The following RAB3GAP1 variants were observed in gnomAD, a reference collection of about 807,000 sequenced individuals.
RAB3GAP1 encodes the protein rab3 GTPase-activating protein catalytic subunit.
In RAB3GAP1, 86 loss-of-function variants were observed where a neutral mutation model predicts 130.7. The ratio of observed to expected loss-of-function variants is 0.66; its 90% confidence interval spans 0.55 to 0.79. The LOEUF (loss-of-function observed/expected upper bound fraction) is 0.79, where lower values mean the gene tolerates loss of function less well. Among genes scored for constraint, RAB3GAP1 ranks in the 30% least tolerant of loss-of-function variants. The pLI, the probability that RAB3GAP1 is intolerant of heterozygous loss-of-function variation, is 0.00. For synonymous variants in RAB3GAP1, 367 were observed against 401.7 expected (o/e 0.91, Z 1.03); for missense variants, 1,029 against 1,169.4 (o/e 0.88, Z 1.75).
chr2:135,158,920 C>T lies in RAB3GAP1; in HGVS notation c.2290-3635C>T, dbSNP rs80286157. ...TAATTGTGAGGGAACATTAGATGAA[C>T]CCAAAATGAGGAACATTCTATTTTA... On this transcript the variant is annotated intron_variant, in intron 19 of 23. Transcript: ENST00000264158. Among the ~76,000 whole-genome samples the T allele has an allele frequency of 3.8e-3, 573 of 151,490 alleles. 4 individuals are homozygous for T. Among genetic ancestry groups the T allele is most frequent in the African/African-American group, 0.013 (550 of 41,438 alleles).
chr2:135,080,010 G>A (rs966345551), intron 3 of RAB3GAP1, among the ~76,000 whole-genome samples: 1 of 151,828 alleles, frequency 6.6e-6, no homozygotes, highest in South Asian at 2.1e-4. Flanking sequence ...CCAGCTACTC[G>A]GGAGGCTGAG....
intron 3 of RAB3GAP1, among the ~76,000 whole-genome samples, chr2:135,089,373 G>A (rs547569366): frequency 6.6e-6 from 1 of 151,434 alleles, no homozygotes; most frequent in African/African-American, 2.5e-5. Context: ...TGGCTATATT[G>A]GCGCTTTTTT....
At chr2:135,106,278 C>T (rs965478710) in intron 5 of RAB3GAP1, among the ~76,000 whole-genome samples, 4 of 152,308 alleles carry the variant, frequency 2.6e-5, no homozygotes, top group Middle Eastern at 3.4e-3. Context: ...TCATTGAGAA[C>T]GGGCCATGAT....
chr2:135,079,249 G>A (rs1392307450), intron 3 of RAB3GAP1, among the ~76,000 whole-genome samples: 1 of 152,126 alleles, frequency 6.6e-6, no homozygotes, highest in Non-Finnish European at 1.5e-5. Context: ...GCCTCCCAAA[G>A]TGCTGCAATT....
At chr2:135,127,404 C>T (rs1691384238) in intron 11 of RAB3GAP1, among the ~76,000 whole-genome samples, 1 of 151,574 alleles carries the variant, frequency 6.6e-6, no homozygotes, top group Non-Finnish European at 1.5e-5. Context: ...AGTGCAGTGG[C>T]GCGATCTCGG....
chr2:135,116,783 A>G (rs1461262388), intron 7 of RAB3GAP1, among the ~76,000 whole-genome samples: 2 of 152,188 alleles, frequency 1.3e-5, no homozygotes, highest in African/African-American at 4.8e-5. Flanking sequence ...TATGTGTGGC[A>G]AAGTGTTAAT....
At position 135,052,376 on chromosome 2, in the gene RAB3GAP1, T is replaced by C; in HGVS notation, c.18+51T>C. 2.5e-6 allele frequency: 4 copies of C among 1,614,148 alleles called. No homozygotes were observed. In the South Asian group the frequency reaches 4.4e-5, roughly 18 times the overall value. ...CCTTGTCACTATCTAAATTCGTTCC[T>C]CATGTCTTCGCCTTGGGGCTTAATT... On this transcript the variant is annotated intron_variant, in intron 1 of 23. Coordinates refer to ENST00000264158, the MANE Select transcript of RAB3GAP1 (RefSeq NM_012233.3).
chr2:135,112,166 C>CTTGT (rs1056587763), intron 5 of RAB3GAP1, among the ~76,000 whole-genome samples: 5 of 152,162 alleles, frequency 3.3e-5, no homozygotes, highest in Non-Finnish European at 5.9e-5. Context: ...AGGACGCAAG[C>CTTGT]TTGTCCCCCA....
intron 3 of RAB3GAP1, among the ~76,000 whole-genome samples, chr2:135,070,773 TG>T (rs1689449480): frequency 6.6e-6 from 1 of 152,112 alleles, no homozygotes. Flanking sequence ...ATTACAAGCG[TG>T]AGCCACCACG....
rs1047157152 is a variant in RAB3GAP1 at position 135,169,144 on chromosome 2, G to A, written c.*363G>A. The A allele has an allele frequency of 5.7e-6, 2 of 352,112 alleles. No individual in the cohort carries two copies. The highest frequency in any genetic ancestry group is 4.2e-5 in the African/African-American group (2 of 47,630). The allele number at this position is 352,112 out of a possible 1,614,324, so 21.8% of individuals were successfully genotyped here. ...AGGCTAGCGGCTGCATTCGTGGTCT[G>A]TGCAAACACTTCGTGGTTCTATATA... On this transcript the variant is annotated 3_prime_UTR_variant, in exon 24 of 24. Transcript: ENST00000264158.
At chr2:135,158,334 A>T (rs1472352115) in intron 19 of RAB3GAP1, among the ~76,000 whole-genome samples, 1 of 152,156 alleles carries the variant, frequency 6.6e-6, no homozygotes, top group African/African-American at 2.4e-5. Flanking sequence ...GTACAAGATG[A>T]ACCTGGAACA....
chr2:135,115,988 T>G (rs1690959715), intron 7 of RAB3GAP1, among the ~76,000 whole-genome samples: 1 of 152,212 alleles, frequency 6.6e-6, no homozygotes, highest in Admixed American at 6.5e-5. Flanking sequence ...GTTGAGGAGC[T>G]GTTTGTGAAT....
chr2:135,135,990 C>A, intron 17 of RAB3GAP1, 58 bp downstream of exon 17: 2 of 1,585,470 alleles, frequency 1.3e-6, no homozygotes. Flanking sequence ...TAACTTCATC[C>A]TAGTAGAAGA....
chr2:135,135,295 T>C lies in RAB3GAP1; in HGVS notation c.1530T>C (p.Cys510=), dbSNP rs751352343. The change falls in exon 16 of 24, where the codon TGT becomes TGC. Residue 510 remains cysteine (C), a synonymous_variant. Transcript: ENST00000264158. ...CAAGTGGACCCCCAGATCTGAGGTG[T>C]TGTTTACTGCATCAGAAACTACAGG... is the stretch of plus-strand genomic sequence containing the variant. ...GLASGPPDLR[C]CLLHQKLQML... The C allele has an allele frequency of 2.5e-6, 4 of 1,610,874 alleles. No homozygotes were observed. In the South Asian group the frequency reaches 4.4e-5, roughly 18 times the overall value.
Position 135,154,991 on chromosome 2 carries a change from A to C in RAB3GAP1, c.2289+1115A>C, listed in dbSNP as rs903910917. On this transcript the variant is annotated intron_variant, in intron 19 of 23. Coordinates refer to ENST00000264158, the MANE Select transcript of RAB3GAP1 (RefSeq NM_012233.3). ...CACATCCATATAAAACTACTTTACA[A>C]AACAGAAAATGCAAATCAGCTCATT... 7.2e-5 allele frequency among the ~76,000 whole-genome samples: 11 copies of C among 152,316 alleles called. 1 individual carries two copies. The highest frequency in any genetic ancestry group is 2.2e-4 in the African/African-American group (9 of 41,582).
chr2:135,159,692 C>T (rs980093474), intron 19 of RAB3GAP1, among the ~76,000 whole-genome samples: 5 of 152,210 alleles, frequency 3.3e-5, no homozygotes, highest in East Asian at 1.9e-4. Flanking sequence ...TACATACATG[C>T]TGACAGCATT....
intron 2 of RAB3GAP1, among the ~76,000 whole-genome samples, chr2:135,056,559 A>G (rs931715477): frequency 6.6e-6 from 1 of 152,162 alleles, no homozygotes; most frequent in African/African-American, 2.4e-5. Context: ...TAGTCCTCTG[A>G]GTGGATTAAT....
chr2:135,168,952 G>A lies in RAB3GAP1; in HGVS notation c.*171G>A, dbSNP rs11558413. 25,733 of 632,222 alleles carry A rather than the reference G, an allele frequency of 0.041. 624 individuals carry two copies. The highest frequency in any genetic ancestry group is 0.058 in the African/African-American group (3,111 of 53,752). The allele number at this position is 632,222 out of a possible 1,614,324, so 39.2% of individuals were successfully genotyped here. On this transcript the variant is annotated 3_prime_UTR_variant, in exon 24 of 24. Coordinates refer to ENST00000264158, the MANE Select transcript of RAB3GAP1 (RefSeq NM_012233.3). ...CCCAGCACCAAGCTTGAGCTGTGTC[G>A]TTTCGTGGAGGGGGCAGCGAGGATG...
chr2:135,126,353 G>C, intron 10 of RAB3GAP1, 104 bp downstream of exon 10: 1 of 1,018,564 alleles, frequency 9.8e-7, no homozygotes, highest in Non-Finnish European at 1.5e-6. Flanking sequence ...ATTTTGTTTT[G>C]ATTTTAGTGT....
Sources: gnomAD v4.1 joint callset for allele counts (sites outside exome capture counted in the v4.1 genomes callset) on GRCh38, gnomAD v4.1.1 for gene constraint, MANE v1.5 for transcripts, NCBI Gene and HGNC (gene_info 2026-07-23, HGNC 2026-07-21) for gene names.